SPTLC3: variants seen among roughly 807,000 people sequenced by gnomAD.
SPTLC3 encodes serine palmitoyltransferase long chain base subunit 3, also known as serine palmitoyltransferase 3.
SPTLC3 carries 36 observed loss-of-function variants against 59.3 expected under a neutral mutation model. The ratio of observed to expected loss-of-function variants is 0.61; its 90% CI spans 0.47 to 0.80. The LOEUF is 0.80. Ranked by LOEUF, SPTLC3 falls within the 30% of genes least tolerant of loss-of-function variation. The probability of loss-of-function intolerance (pLI) is 0.00; values close to 1 mark genes in which losing one functional copy is unlikely to be tolerated. For missense variants in SPTLC3, 625 were observed against 685.1 expected, an observed-to-expected ratio of 0.91 and a Z score of 0.98; for synonymous variants, 257 against 240.8, an observed-to-expected ratio of 1.07 and a Z score of -0.62.
At chr20:13,085,327 G>A (rs1158557992) in intron 4 of SPTLC3, among the ~76,000 whole-genome samples, 3 of 152,088 alleles carry the variant, frequency 2.0e-5, no homozygotes, top group Admixed American at 2.0e-4. Context: ...GGACAGCAGA[G>A]TACCCCAAAT....
rs549507154 is a variant in SPTLC3, at chr20:13,144,255, T to G, written c.1280-9748T>G. 2.6e-5 allele frequency among the ~76,000 whole-genome samples: 4 copies of G among 152,346 alleles called. No homozygotes were observed. In the East Asian group the frequency reaches 7.7e-4, roughly 29 times the overall value. The stretch of plus-strand genomic sequence containing the variant: ...ACTTCTTTTATTGGGCACTTGATTT[T>G]CTATCTTGTTGTGATTAATTTTTCT... On this transcript the variant is annotated intron_variant, in intron 9 of 11. Transcript: ENST00000399002.
At chr20:13,106,597 TC>T (rs1248983107) in intron 6 of SPTLC3, among the ~76,000 whole-genome samples, 4 of 152,088 alleles carry the variant, frequency 2.6e-5, no homozygotes, top group Non-Finnish European at 5.9e-5. Flanking sequence ...AGAGGCTATA[TC>T]AGGAAGGGCC....
intron 1 of SPTLC3, among the ~76,000 whole-genome samples, chr20:13,040,101 A>G (rs78696311): frequency 6.6e-6 from 1 of 151,704 alleles, no homozygotes; most frequent in Non-Finnish European, 1.5e-5. Flanking sequence ...TGAGAAAGAA[A>G]GAGTTTGTTA....
intron 9 of SPTLC3, among the ~76,000 whole-genome samples, chr20:13,152,201 G>A (rs904639465): frequency 1.2e-4 from 19 of 152,098 alleles, no homozygotes; most frequent in African/African-American, 4.6e-4. Context: ...GCTTCTCCTT[G>A]CGTATAACAT....
rs2039004537 is a variant in SPTLC3 at position 13,167,945 on chromosome 20, A to G, written c.*3078A>G. On this transcript the variant is annotated 3_prime_UTR_variant, in exon 12 of 12. Transcript: ENST00000399002. ...GAACCTTGTTCTGATTCTCTTGTTC[A>G]TAATTAAGTGTATATATACTGGTAA... 6.6e-6 allele frequency: 1 copy of G among 152,210 alleles called. No individual in the cohort carries two copies. The highest frequency in any genetic ancestry group is 1.5e-5 in the Non-Finnish European group (1 of 68,036). 9.4% of individuals were successfully genotyped at this position (152,210 alleles called of 1,614,324 possible). A position where few individuals can be genotyped will look rare whatever the true frequency, so the allele number is the denominator to read the frequency against.
intron 9 of SPTLC3, 38 bp downstream of exon 9, chr20:13,126,755 T>C: frequency 1.2e-6 from 2 of 1,609,836 alleles, no homozygotes; most frequent in South Asian, 1.1e-5. Context: ...CCTGGACCTC[T>C]CTGTCTCCCT....
At chr20:13,096,180 G>C (rs1017662729) in intron 6 of SPTLC3, among the ~76,000 whole-genome samples, 1 of 152,106 alleles carries the variant, frequency 6.6e-6, no homozygotes, top group Admixed American at 6.6e-5. Context: ...TGCCTGTGGA[G>C]TATAAAATGG....
At chr20:13,073,723 C>T (rs185325978) in intron 3 of SPTLC3, 204 of 480,908 alleles carry the variant, frequency 4.2e-4, no homozygotes, top group Middle Eastern at 7.2e-4. Context: ...TCTGAGTTGA[C>T]GCCTGAACTG....
At chr20:13,073,724 G>T in intron 3 of SPTLC3, 1 of 480,614 alleles carries the variant, frequency 2.1e-6, no homozygotes. Flanking sequence ...CTGAGTTGAC[G>T]CCTGAACTGC....
chr20:13,118,958 A>T (rs887459719), intron 8 of SPTLC3, among the ~76,000 whole-genome samples: 2 of 152,230 alleles, frequency 1.3e-5, no homozygotes, highest in Non-Finnish European at 2.9e-5. Flanking sequence ...TCGGGCTCAA[A>T]GCATTGTTTT....
At chr20:13,145,030 C>T (rs569467594) in intron 9 of SPTLC3, among the ~76,000 whole-genome samples, 2 of 152,246 alleles carry the variant, frequency 1.3e-5, no homozygotes, top group Admixed American at 6.5e-5. Flanking sequence ...CTGCCTCAGC[C>T]TCCCAAAGTG....
chr20:13,074,332 T>C lies in SPTLC3; in HGVS notation c.459-17T>C. 4 of 1,612,862 alleles carry C rather than the reference T, an allele frequency of 2.5e-6. No individual in the cohort carries two copies. The highest frequency in any genetic ancestry group is 3.4e-6 in the Non-Finnish European group (4 of 1,179,280). ...CTGGGGAGGGGATTATGTGCTCATT[T>C]ACATGTTTCCCCACAGGTTTACTGG... On this transcript the variant is annotated splice_polypyrimidine_tract_variant and intron_variant, in intron 3 of 11. Coordinates refer to ENST00000399002, the MANE Select transcript of SPTLC3 (RefSeq NM_018327.4).
At chr20:13,156,592 A>G (rs557380778) in intron 10 of SPTLC3, among the ~76,000 whole-genome samples, 2 of 152,348 alleles carry the variant, frequency 1.3e-5, no homozygotes, top group East Asian at 3.9e-4. Context: ...TGAAGATTAA[A>G]CAAAATGATG....
intron 1 of SPTLC3, among the ~76,000 whole-genome samples, chr20:13,011,139 G>T (rs182515419): frequency 7.2e-4 from 109 of 152,072 alleles, no homozygotes; most frequent in Non-Finnish European, 1.3e-3. Context: ...AAAAACAAAC[G>T]AACAAAAAAA....
intron 4 of SPTLC3, 24 bp downstream of exon 4, chr20:13,074,521 AC>A (rs781526667): frequency 6.3e-7 from 1 of 1,589,102 alleles, no homozygotes; most frequent in Non-Finnish European, 8.6e-7. Context: ...CTGTTTTGAA[AC>A]TTTTTGCTGT....
Position 13,126,645 on chromosome 20 carries a change from A to G in SPTLC3, c.1207A>G (p.Met403Val), listed in dbSNP as rs2037999864. The G allele has an allele frequency of 1.2e-6, 2 of 1,613,996 alleles. No individual in the cohort carries two copies. Among genetic ancestry groups the G allele is most frequent in the Non-Finnish European group, 1.7e-6 (2 of 1,179,936 alleles). The part of the protein sequence containing the change: ...HSHSAVYASS[M>V]SPPIAEQIIR... ...GCATAGTGCTGTTTATGCTTCATCC[A>G]TGAGCCCACCGATAGCAGAGCAAAT... The change falls in exon 9 of 12, where the codon ATG becomes GTG. Residue 403 changes from methionine (M) to valine (V), a missense_variant. Transcript: ENST00000399002.
intron 1 of SPTLC3, among the ~76,000 whole-genome samples, chr20:13,037,298 A>G (rs555634531): frequency 1.2e-4 from 18 of 152,322 alleles, no homozygotes. Flanking sequence ...TGGACTAATT[A>G]TGCTTTACCC....
chr20:13,042,482 A>G (rs891638446), intron 1 of SPTLC3, among the ~76,000 whole-genome samples: 2 of 152,144 alleles, frequency 1.3e-5, no homozygotes, highest in Non-Finnish European at 2.9e-5. Context: ...TTGGGGCCCC[A>G]GTATTCTCAG....
Position 13,129,147 on chromosome 20 carries a change from A to G in SPTLC3, c.1279+2430A>G, listed in dbSNP as rs1177012996. 5.9e-5 allele frequency among the ~76,000 whole-genome samples: 9 copies of G among 152,134 alleles called. No individual in the cohort carries two copies. The East Asian group carries it at 1.7e-3, about 29-fold the overall frequency. ...CTCCCAAAGCACTGGGATTACAGGCACGAGCCACCACACCTGGCCAATTTT... is the reference window on the plus strand; with the variant it reads ...CTCCCAAAGCACTGGGATTACAGGCGCGAGCCACCACACCTGGCCAATTTT... On this transcript the variant is annotated intron_variant, in intron 9 of 11. Coordinates refer to ENST00000399002, the MANE Select transcript of SPTLC3 (RefSeq NM_018327.4).
Sources: allele counts gnomAD v4.1 joint callset (sites outside exome capture counted in the v4.1 genomes callset), GRCh38; gene constraint gnomAD v4.1.1; transcripts MANE v1.5; gene names NCBI Gene and HGNC (gene_info 2026-07-23, HGNC 2026-07-21).